Variants in PLAG1 observed in about 807,000 individuals in gnomAD.
PLAG1 encodes zinc finger protein PLAG1.
A neutral mutation model predicts 35.5 loss-of-function variants in PLAG1; 7 were observed. That is an observed-to-expected ratio of 0.20 (90% CI 0.11 to 0.37). PLAG1 has a LOEUF of 0.37. PLAG1 is among the 10% of genes least tolerant of loss of function. The pLI is 1.00. For synonymous variants in PLAG1, 229 were observed against 225.4 expected (o/e 1.02, Z -0.14); for missense variants, 454 against 602.8 (o/e 0.75, Z 2.58).
intron 1 of PLAG1, among the ~76,000 whole-genome samples, chr8:56,194,033 A>AT (rs988996690): frequency 3.3e-5 from 5 of 152,122 alleles, no homozygotes; most frequent in African/African-American, 1.2e-4. Context: ...TAGGTAAACT[A>AT]TTTTTTAGAA....
intron 1 of PLAG1, among the ~76,000 whole-genome samples, chr8:56,203,270 T>C (rs1812608654): frequency 6.6e-6 from 1 of 152,192 alleles, no homozygotes; most frequent in Non-Finnish European, 1.5e-5. Flanking sequence ...ATTAAAATTA[T>C]GTATATTTCA....
chr8:56,168,077 T>C lies in PLAG1; in HGVS notation c.193A>G (p.Ile65Val), dbSNP rs1811411749. 3 of 1,612,596 alleles carry C rather than the reference T, an allele frequency of 1.9e-6. No homozygotes were observed. Among genetic ancestry groups the C allele is most frequent in the Non-Finnish European group, 2.5e-6 (3 of 1,178,666 alleles). Residue 65 changes from isoleucine to valine, a missense_variant, in exon 4 of 5, where the codon ATA (isoleucine) becomes GTA (valine). Physicochemically the swap from Ile to Val is conservative, Grantham distance 29. Coordinates refer to ENST00000316981, the MANE Select transcript of PLAG1 (RefSeq NM_002655.3). ...AAGGCCTTGGTGCAGTCTTGTTGTA[T>C]GCACTTGTAGGGCCTCTCTCCTGTG... ...SHTGERPYKC[I>V]QQDCTKAFVS...
At chr8:56,200,037 T>C (rs1009911471) in intron 1 of PLAG1, among the ~76,000 whole-genome samples, 2 of 152,060 alleles carry the variant, frequency 1.3e-5, no homozygotes, top group Non-Finnish European at 2.9e-5. Flanking sequence ...CTGGCCTGTC[T>C]CCCTTTCTAG....
rs1811220934 is a variant in PLAG1, at chr8:56,162,164, G to A, written c.*4079C>T. On this transcript the variant is annotated 3_prime_UTR_variant, in exon 5 of 5. Transcript: ENST00000316981. ...GTAGACATGGCTGCTGACACAGTGT[G>A]AGAAAAACAAGACAAATTCAACTTA... is the stretch of plus-strand genomic sequence containing the variant. 4.4e-6 allele frequency: 1 copy of A among 228,322 alleles called. No homozygotes were observed. 14.1% of individuals were successfully genotyped at this position (228,322 alleles called of 1,614,324 possible).
At chr8:56,171,532 T>G (rs909466604) in intron 2 of PLAG1, 1 of 152,194 alleles carries the variant, frequency 6.6e-6, no homozygotes, top group Non-Finnish European at 1.5e-5. Flanking sequence ...GATCAAAATT[T>G]TATTAAGTTT....
chr8:56,207,003 C>T (rs1267650231), intron 1 of PLAG1, among the ~76,000 whole-genome samples: 4 of 151,958 alleles, frequency 2.6e-5, no homozygotes, highest in Admixed American at 2.6e-4. Flanking sequence ...TTCTTATACA[C>T]TTGCAAACAC....
intron 1 of PLAG1, among the ~76,000 whole-genome samples, chr8:56,204,407 A>G (rs572398163): frequency 6.6e-6 from 1 of 151,980 alleles, no homozygotes; most frequent in African/African-American, 2.4e-5. Flanking sequence ...TTAAGTTTCC[A>G]GGTTTAATTT....
intron 2 of PLAG1, among the ~76,000 whole-genome samples, chr8:56,173,296 T>C (rs1337006467): frequency 6.6e-6 from 1 of 152,136 alleles, no homozygotes; most frequent in Non-Finnish European, 1.5e-5. Context: ...CTTGAATTTC[T>C]TAATTTCCCT....
At chr8:56,172,412 C>T (rs56222013) in intron 2 of PLAG1, among the ~76,000 whole-genome samples, 21,854 of 152,128 alleles carry the variant, frequency 0.14, 1,776 homozygotes, top group East Asian at 0.34. Flanking sequence ...AATGGAAGAA[C>T]GGAATTCTGC....
rs1023307529 is a variant in PLAG1 at position 56,168,390 on chromosome 8, GA to G, written c.-117-5del. The G allele has an allele frequency of 3.8e-4, 479 of 1,259,334 alleles. No individual in the cohort carries two copies. Among genetic ancestry groups the G allele is most frequent in the Admixed American group, 7.6e-4 (24 of 31,566 alleles). The allele number at this position is 1,259,334 out of a possible 1,614,324, so 78.0% of individuals were successfully genotyped here. A position where few individuals can be genotyped will look rare whatever the true frequency, so the allele number is the denominator to read the frequency against. On this transcript the variant is annotated splice_polypyrimidine_tract_variant and splice_region_variant and intron_variant, in intron 3 of 4. Transcript: ENST00000316981. ...CGTAAAAGAAAGCAAAAAGGGACTGGAAAAAAAAATAAGAAACAACTAGTTT... is the reference window on the plus strand; with the variant it reads ...CGTAAAAGAAAGCAAAAAGGGACTGGAAAAAAAATAAGAAACAACTAGTTT...
In PLAG1 at chr8:56,164,811, TA is replaced by T. The variant is rs1563370850; in HGVS notation, c.*1431del. The T allele has an allele frequency of 4.7e-6, 1 of 211,328 alleles. No homozygotes were observed. The highest frequency in any genetic ancestry group is 7.1e-5 in the East Asian group (1 of 14,004). 13.1% of individuals were successfully genotyped at this position (211,328 alleles called of 1,614,324 possible). On this transcript the variant is annotated 3_prime_UTR_variant, in exon 5 of 5. Coordinates refer to ENST00000316981, the MANE Select transcript of PLAG1 (RefSeq NM_002655.3). ...ATATTCTCAATTGTTATTTTCATGT[TA>T]ACCAAGATAGGTTTGTTTTACTTTA... is the stretch of plus-strand genomic sequence containing the variant.
intron 1 of PLAG1, among the ~76,000 whole-genome samples, chr8:56,186,682 TAAAA>T (rs34806294): frequency 7.2e-6 from 1 of 138,602 alleles, no homozygotes; most frequent in African/African-American, 2.7e-5. Flanking sequence ...TGGTTAGCAT[TAAAA>T]AAAAAAAAAA....
At chr8:56,196,444 C>G (rs1267511271) in intron 1 of PLAG1, among the ~76,000 whole-genome samples, 1 of 152,158 alleles carries the variant, frequency 6.6e-6, no homozygotes, top group Non-Finnish European at 1.5e-5. Flanking sequence ...GGTAAAGGAA[C>G]TTGGTGTGAC....
intron 1 of PLAG1, among the ~76,000 whole-genome samples, chr8:56,204,534 C>T (rs76233256): frequency 0.056 from 8,564 of 151,876 alleles, 789 homozygotes; most frequent in African/African-American, 0.19. Flanking sequence ...GGCTAAATTC[C>T]TTATTTGCTA....
intron 1 of PLAG1, chr8:56,209,280 C>T (rs930768409): frequency 7.9e-5 from 12 of 152,200 alleles, no homozygotes; most frequent in African/African-American, 2.4e-4. Flanking sequence ...AGCAATGTAA[C>T]ATGAAAAGTT....
chr8:56,194,240 C>G (rs534974367), intron 1 of PLAG1, among the ~76,000 whole-genome samples: 1 of 151,034 alleles, frequency 6.6e-6, no homozygotes, highest in Admixed American at 6.6e-5. Context: ...TCACTTGAAC[C>G]CAGGATGCGG....
At chr8:56,205,046 C>G (rs957763996) in intron 1 of PLAG1, among the ~76,000 whole-genome samples, 1 of 151,786 alleles carries the variant, frequency 6.6e-6, no homozygotes, top group Non-Finnish European at 1.5e-5. Context: ...TAAAAACATA[C>G]CAGAAATTAG....
intron 1 of PLAG1, among the ~76,000 whole-genome samples, chr8:56,195,150 AG>A (rs1455105466): frequency 1.3e-5 from 2 of 152,158 alleles, no homozygotes; most frequent in Non-Finnish European, 2.9e-5. Context: ...CATGAAATAG[AG>A]TGAATAAGCT....
chr8:56,192,306 G>A (rs1812207484), intron 1 of PLAG1, among the ~76,000 whole-genome samples: 1 of 152,146 alleles, frequency 6.6e-6, no homozygotes, highest in African/African-American at 2.4e-5. Context: ...AATAACCTGA[G>A]ACACCCATAA....
Sources: gnomAD v4.1 joint callset for allele counts (sites outside exome capture counted in the v4.1 genomes callset) on GRCh38, gnomAD v4.1.1 for gene constraint, MANE v1.5 for transcripts, NCBI Gene and HGNC (gene_info 2026-07-23, HGNC 2026-07-21) for gene names.